Variants in DCDC2 observed in about 807,000 individuals in gnomAD.
DCDC2 encodes the protein doublecortin domain-containing protein 2.
Under a neutral mutation model 50.2 loss-of-function variants are expected in DCDC2, and 40 were observed. The ratio of observed to expected loss-of-function variants is 0.80; its 90% CI spans 0.62 to 1.04. DCDC2 has a LOEUF of 1.04. DCDC2 is among the 50% of genes least tolerant of loss of function. The pLI is 0.00. For synonymous variants in DCDC2, 234 were observed against 210.6 expected, an observed-to-expected ratio of 1.11 and a Z score of -0.96; for missense variants, 570 against 581.9, an observed-to-expected ratio of 0.98 and a Z score of 0.21.
At chr6:24,323,813 GT>G (rs1279264323) in intron 2 of DCDC2, among the ~76,000 whole-genome samples, 4 of 152,102 alleles carry the variant, frequency 2.6e-5, no homozygotes, top group African/African-American at 9.7e-5. Context: ...CTTACATTGG[GT>G]TTTGTTTTAG....
chr6:24,197,626 G>A (rs941050899), intron 8 of DCDC2, among the ~76,000 whole-genome samples: 7 of 152,106 alleles, frequency 4.6e-5, no homozygotes, highest in Non-Finnish European at 1.0e-4. Context: ...TGAAATCTGC[G>A]TGATTTTTAC....
chr6:24,192,208 C>T (rs1199843581), intron 8 of DCDC2, among the ~76,000 whole-genome samples: 1 of 152,208 alleles, frequency 6.6e-6, no homozygotes, highest in Non-Finnish European at 1.5e-5. Flanking sequence ...ATCCATGCCT[C>T]TTTCTCACAG....
chr6:24,358,701 T>A (rs1206153780), upstream of DCDC2, among the ~76,000 whole-genome samples: 118 of 108,444 alleles, frequency 1.1e-3, no homozygotes, highest in Middle Eastern at 3.8e-3. Flanking sequence ...AATATATATT[T>A]TTTTTATATA....
the DCDC2 span, among the ~76,000 whole-genome samples, chr6:24,379,524 TA>T: frequency 6.6e-6 from 1 of 152,096 alleles, no homozygotes; most frequent in Admixed American, 6.5e-5. Flanking sequence ...TGGCAATCAT[TA>T]AAAAGTCAGG....
chr6:24,256,019 A>G (rs1296868607), intron 7 of DCDC2, among the ~76,000 whole-genome samples: 1 of 152,224 alleles, frequency 6.6e-6, no homozygotes, highest in East Asian at 1.9e-4. Context: ...TGCACAAAGT[A>G]GGATACAGTC....
upstream of DCDC2, among the ~76,000 whole-genome samples, chr6:24,359,241 T>TTA (rs1163379841): frequency 1.3e-4 from 10 of 77,728 alleles, no homozygotes; most frequent in African/African-American, 5.3e-4. Context: ...TTTATATATT[T>TTA]TATATATTAT....
chr6:24,325,489 A>C (rs1759843230), intron 2 of DCDC2, among the ~76,000 whole-genome samples: 1 of 149,494 alleles, frequency 6.7e-6, no homozygotes, highest in African/African-American at 2.4e-5. Context: ...ACATGCTTGA[A>C]GATGTCGCAA....
At chr6:24,220,200 A>T (rs1432978015) in intron 7 of DCDC2, among the ~76,000 whole-genome samples, 1 of 152,286 alleles carries the variant, frequency 6.6e-6, no homozygotes, top group East Asian at 1.9e-4. Context: ...CATTCTTCTA[A>T]TAAGAACAAG....
chr6:24,223,417 T>C, intron 7 of DCDC2, among the ~76,000 whole-genome samples: 1 of 152,230 alleles, frequency 6.6e-6, no homozygotes, highest in East Asian at 1.9e-4. Context: ...CTGCTTCAAA[T>C]GGCATCCAGA....
At chr6:24,356,739 G>C (rs1376756437) in intron 1 of DCDC2, among the ~76,000 whole-genome samples, 1 of 152,204 alleles carries the variant, frequency 6.6e-6, no homozygotes, top group African/African-American at 2.4e-5. Context: ...AAGGAATCAT[G>C]CCTTGCTCAT....
intron 7 of DCDC2, among the ~76,000 whole-genome samples, chr6:24,217,869 T>C (rs1762015345): frequency 6.6e-6 from 1 of 152,234 alleles, no homozygotes; most frequent in African/African-American, 2.4e-5. Flanking sequence ...ATAGAAGTTA[T>C]AATGTACTCA....
chr6:24,376,737 CAAAAAA>C, the DCDC2 span, among the ~76,000 whole-genome samples: 4,851 of 46,736 alleles, frequency 0.1, 93 homozygotes, highest in Middle Eastern at 0.23. Flanking sequence ...CAGGTATATG[CAAAAAA>C]AAAAAAAAAA....
chr6:24,308,632 A>C (rs995014533), intron 2 of DCDC2, among the ~76,000 whole-genome samples: 4 of 152,254 alleles, frequency 2.6e-5, no homozygotes, highest in Admixed American at 6.5e-5. Context: ...TATTGAAATT[A>C]GCAAATAAGG....
chr6:24,314,467 A>G (rs1759626807), intron 2 of DCDC2, among the ~76,000 whole-genome samples: 1 of 151,582 alleles, frequency 6.6e-6, no homozygotes, highest in African/African-American at 2.4e-5. Context: ...ACAGAGCAAG[A>G]CGTTGTCTCA....
chr6:24,198,092 G>T (rs1218016716), intron 8 of DCDC2, among the ~76,000 whole-genome samples: 1 of 151,992 alleles, frequency 6.6e-6, no homozygotes, highest in Non-Finnish European at 1.5e-5. Context: ...TACACACAAA[G>T]CAAATATTTG....
intron 2 of DCDC2, among the ~76,000 whole-genome samples, chr6:24,319,224 T>A (rs552431830): frequency 1.3e-5 from 2 of 152,246 alleles, no homozygotes; most frequent in Admixed American, 1.3e-4. Flanking sequence ...GCCATTTGTA[T>A]GCCTTCTTTT....
Position 24,288,853 on chromosome 6 carries a change from C to A in DCDC2, c.758G>T (p.Ser253Ile). Residue 253 changes from serine (S) to isoleucine (I), a missense_variant and splice_region_variant, in exon 6 of 10, where the codon AGT becomes ATT. Ser to Ile is a moderately radical substitution (Grantham distance 142). Transcript: ENST00000378454. ...ACGAGGAAAGCATCTGATACTTACA[C>A]TCCCTTTAGACTTTCTGGATCCTAC... ...PIVGSRKSKG[S>I]GNDRHSKSTV... 3 of 1,611,642 alleles carry A rather than the reference C, an allele frequency of 1.9e-6. 1 individual carries two copies. In the East Asian group the frequency reaches 6.7e-5, roughly 36 times the overall value.
chr6:24,287,663 C>T (rs558227913), intron 6 of DCDC2, among the ~76,000 whole-genome samples: 3 of 152,282 alleles, frequency 2.0e-5, no homozygotes, highest in African/African-American at 7.2e-5. Context: ...ACCATCTCAC[C>T]CTCCCTTGGA....
At chr6:24,218,825 A>C (rs1316097991) in intron 7 of DCDC2, among the ~76,000 whole-genome samples, 1 of 152,220 alleles carries the variant, frequency 6.6e-6, no homozygotes. Context: ...TTTGGGGAAA[A>C]AAAGAAAAGA....
Sources: gnomAD v4.1 joint callset for allele counts (sites outside exome capture counted in the v4.1 genomes callset) on GRCh38, gnomAD v4.1.1 for gene constraint, MANE v1.5 for transcripts, NCBI Gene and HGNC (gene_info 2026-07-23, HGNC 2026-07-21) for gene names.